The following P2RY8 variants were observed in gnomAD, a reference collection of about 807,000 sequenced individuals.
P2RY8 encodes the protein P2Y receptor family member 8.
In P2RY8, 6 loss-of-function variants were observed where a neutral mutation model predicts 10.0. The observed-to-expected ratio is 0.60, with a 90% CI of 0.33 to 1.19. P2RY8 has a LOEUF of 1.19. Ranked by LOEUF, P2RY8 falls within the 50% of genes most tolerant of loss-of-function variation. P2RY8 has a pLI of 0.04. For missense variants in P2RY8, 456 were observed against 542.0 expected (o/e 0.84, Z 1.58); for synonymous variants, 276 against 252.5 (o/e 1.09, Z -0.88).
chrX:1,485,232 G>A (rs2149387177), intron 1 of P2RY8, among the ~76,000 whole-genome samples: 1 of 151,990 alleles, frequency 6.6e-6, no homozygotes, highest in South Asian at 2.1e-4. Flanking sequence ...TCACCTCTGG[G>A]CTTCAAGCAG....
rs61715773 is a variant in P2RY8 at position 1,508,704 on chromosome X, TTCTATCTATCTATCTATCTA to T, written c.-25+28197_-25+28216del. Among the ~76,000 whole-genome samples, 354 of 112,076 alleles carry T rather than the reference TTCTATCTATCTATCTATCTA, an allele frequency of 3.2e-3. 6 individuals are homozygous for T. The highest frequency in any genetic ancestry group is 0.025 in the Admixed American group (298 of 11,906). The allele number at this position is 112,076 out of a possible 152,430, so 73.5% of individuals were successfully genotyped here. A position where few individuals can be genotyped will look rare whatever the true frequency, so the allele number is the denominator to read the frequency against. ...CATCATCCATCCATCCATCCATCCATTCTATCTATCTATCTATCTATCTATCTATCTATCTATCTATCTAT... is the reference window on the plus strand; with the variant it reads ...CATCATCCATCCATCCATCCATCCATTCTATCTATCTATCTATCTATCTAT... On this transcript the variant is annotated intron_variant, in intron 1 of 1. Transcript: ENST00000381297.
At chrX:1,476,181 C>G (rs2091870565) in intron 1 of P2RY8, among the ~76,000 whole-genome samples, 1 of 152,146 alleles carries the variant, frequency 6.6e-6, no homozygotes, top group Non-Finnish European at 1.5e-5. Context: ...CTTTGGGACA[C>G]CTCCTATGAC....
intron 1 of P2RY8, among the ~76,000 whole-genome samples, chrX:1,477,628 T>C (rs2091890341): frequency 6.6e-6 from 1 of 152,202 alleles, no homozygotes. Context: ...GGTATCATAA[T>C]TGGGAAGATG....
chrX:1,500,066 G>C (rs1340755892), intron 1 of P2RY8, among the ~76,000 whole-genome samples: 1 of 145,744 alleles, frequency 6.9e-6, no homozygotes, highest in Non-Finnish European at 1.5e-5. Context: ...CACCGTGTTA[G>C]CCAGGATGGT....
chrX:1,477,239 A>T (rs2091885180), intron 1 of P2RY8, among the ~76,000 whole-genome samples: 1 of 152,008 alleles, frequency 6.6e-6, no homozygotes, highest in South Asian at 2.1e-4. Context: ...CTGTCTATCC[A>T]TGAATCCATT....
At chrX:1,508,414 C>T (rs1376398544) in intron 1 of P2RY8, among the ~76,000 whole-genome samples, 1 of 152,138 alleles carries the variant, frequency 6.6e-6, no homozygotes, top group Non-Finnish European at 1.5e-5. Context: ...ACGGGACGGC[C>T]CTGCCACAGA....
At chrX:1,497,686 A>G (rs1198441591) in intron 1 of P2RY8, among the ~76,000 whole-genome samples, 2 of 151,794 alleles carry the variant, frequency 1.3e-5, no homozygotes, top group Admixed American at 6.6e-5. Flanking sequence ...TAGTATGCTG[A>G]CAAGCAAATA....
chrX:1,514,382 C>G (rs867047753), intron 1 of P2RY8, among the ~76,000 whole-genome samples: 17 of 133,234 alleles, frequency 1.3e-4, no homozygotes, highest in African/African-American at 4.6e-4. Context: ...CCTTTCCCTT[C>G]CCTCCCTTCC....
At chrX:1,533,002 C>CAAAAAAAAAAAAAAAAAAAAAAAAGA (rs56945483) in intron 1 of P2RY8, among the ~76,000 whole-genome samples, 1 of 76,070 alleles carries the variant, frequency 1.3e-5, no homozygotes, top group Non-Finnish European at 2.3e-5. Context: ...AACTCTGTCT[C>CAAAAAAAAAAAAAAAAAAAAAAAAGA]AAAAAAAAAA....
At position 1,466,367 on chromosome X, in the gene P2RY8, G is replaced by A; in HGVS notation, c.192C>T (p.Asn64=). The change falls in exon 2 of 2, where the codon AAC becomes AAT. Residue 64 remains asparagine (N), a synonymous_variant. Transcript: ENST00000381297. ...CCAGCATCAGGTCCGTGACGCTCAG[G>A]TTGATCATGAAGATGACCGACGGGG... ...PRSPSVIFMI[N]LSVTDLMLAS... The A allele has an allele frequency of 1.2e-6, 2 of 1,613,816 alleles. No homozygotes were observed. Among genetic ancestry groups the A allele is most frequent in the Non-Finnish European group, 1.7e-6 (2 of 1,179,848 alleles).
chrX:1,528,297 G>A (rs1266044931), intron 1 of P2RY8, among the ~76,000 whole-genome samples: 5 of 152,160 alleles, frequency 3.3e-5, no homozygotes, highest in African/African-American at 4.8e-5. Context: ...TCTGCAACAT[G>A]CCCATTTCAA....
chrX:1,536,204 G>A (rs1319570474), intron 1 of P2RY8, among the ~76,000 whole-genome samples: 4 of 152,016 alleles, frequency 2.6e-5, no homozygotes, highest in Non-Finnish European at 5.9e-5. Context: ...AGCAGCCGCA[G>A]CTGCTTACCC....
chrX:1,502,311 T>C (rs1410211757), intron 1 of P2RY8, among the ~76,000 whole-genome samples: 2 of 152,074 alleles, frequency 1.3e-5, no homozygotes, highest in Non-Finnish European at 2.9e-5. Flanking sequence ...CTTATCTCTG[T>C]TTTGGTCATG....
intron 1 of P2RY8, among the ~76,000 whole-genome samples, chrX:1,497,022 C>G (rs2092123616): frequency 6.7e-6 from 1 of 148,788 alleles, no homozygotes; most frequent in South Asian, 2.1e-4. Context: ...AGTTCGAGAC[C>G]AGTCTGATCA....
Position 1,505,987 on chromosome X carries a change from C to T in P2RY8, c.-25+30934G>A, listed in dbSNP as rs1448403004. 4.1e-4 allele frequency among the ~76,000 whole-genome samples: 45 copies of T among 108,834 alleles called. No individual in the cohort carries two copies. The South Asian group carries it at 0.014, about 35-fold the overall frequency. The allele number at this position is 108,834 out of a possible 152,430, so 71.4% of individuals were successfully genotyped here. A position where few individuals can be genotyped will look rare whatever the true frequency, so the allele number is the denominator to read the frequency against. ...AACAAAGCATCTTAATTTCTTTCTTCTTTTTTTTTTTTTTTTTTTTTTTGA... is the reference window on the plus strand; with the variant it reads ...AACAAAGCATCTTAATTTCTTTCTTTTTTTTTTTTTTTTTTTTTTTTTTGA... On this transcript the variant is annotated intron_variant, in intron 1 of 1. Coordinates refer to ENST00000381297, the MANE Select transcript of P2RY8 (RefSeq NM_178129.5).
Position 1,535,377 on chromosome X carries a change from G to C in P2RY8, c.-25+1544C>G, listed in dbSNP as rs1464117377. Reference sequence around the variant, plus strand: ...TAATTTTGGTATTTTTAGTAGAGACGGGGTTTCACTATGTTGGCCAGGCTG... The same window carrying C: ...TAATTTTGGTATTTTTAGTAGAGACCGGGTTTCACTATGTTGGCCAGGCTG... On this transcript the variant is annotated intron_variant, in intron 1 of 1. Coordinates refer to ENST00000381297, the MANE Select transcript of P2RY8 (RefSeq NM_178129.5). 7.9e-5 allele frequency among the ~76,000 whole-genome samples: 12 copies of C among 151,324 alleles called. No individual in the cohort carries two copies. In the East Asian group the frequency reaches 2.3e-3, roughly 29 times the overall value.
chrX:1,519,126 C>G (rs1250688218), intron 1 of P2RY8, among the ~76,000 whole-genome samples: 1 of 151,520 alleles, frequency 6.6e-6, no homozygotes, highest in African/African-American at 2.4e-5. Flanking sequence ...CAATCATCTC[C>G]TTGGTCCCTA....
At chrX:1,475,560 G>A (rs113987570) in intron 1 of P2RY8, among the ~76,000 whole-genome samples, 14,148 of 151,782 alleles carry the variant, frequency 0.093, 1,217 homozygotes, top group African/African-American at 0.23. Context: ...AATACACCGA[G>A]AAAAGAGAGG....
intron 1 of P2RY8, among the ~76,000 whole-genome samples, chrX:1,509,135 CT>C (rs1432033190): frequency 6.1e-4 from 91 of 149,714 alleles, no homozygotes; most frequent in South Asian, 2.6e-3. Context: ...ATCTATCTAT[CT>C]ATCTATCATC....
Sources: allele counts gnomAD v4.1 joint callset (sites outside exome capture counted in the v4.1 genomes callset), GRCh38; gene constraint gnomAD v4.1.1; transcripts MANE v1.5; gene names NCBI Gene and HGNC (gene_info 2026-07-23, HGNC 2026-07-21).